LTBP1: variants seen among roughly 807,000 people sequenced by gnomAD.
The protein encoded by LTBP1 is latent-transforming growth factor beta-binding protein 1.
In LTBP1, 129 loss-of-function variants were observed where a neutral mutation model predicts 207.6. The ratio of observed to expected loss-of-function variants is 0.62; its 90% confidence interval spans 0.54 to 0.72. The LOEUF is 0.72. LTBP1 is among the 30% of genes least tolerant of loss of function. The pLI, the probability that LTBP1 is intolerant of heterozygous loss-of-function variation, is 0.00. For missense variants in LTBP1, 2,281 were observed against 2,217.2 expected (o/e 1.03, Z -0.58); for synonymous variants, 963 against 833.7 (o/e 1.16, Z -2.67).
At chr2:33,152,233 C>G (rs1036835650) in intron 5 of LTBP1, among the ~76,000 whole-genome samples, 1 of 152,014 alleles carries the variant, frequency 6.6e-6, no homozygotes. Context: ...AAAAAACAAA[C>G]AATCCCATCA....
At chr2:32,984,371 A>C (rs1683218248) in intron 2 of LTBP1, among the ~76,000 whole-genome samples, 1 of 152,236 alleles carries the variant, frequency 6.6e-6, no homozygotes, top group South Asian at 2.1e-4. Context: ...CTAGTAAAAC[A>C]CATGGCTTTA....
chr2:33,085,957 G>A (rs1244276714), intron 3 of LTBP1, among the ~76,000 whole-genome samples: 1 of 152,208 alleles, frequency 6.6e-6, no homozygotes. Context: ...TGGGAGTCTG[G>A]TGAAATAGCA....
intron 7 of LTBP1, among the ~76,000 whole-genome samples, chr2:33,210,090 G>A (rs769791430): frequency 1.2e-4 from 18 of 152,190 alleles, no homozygotes; most frequent in Admixed American, 1.3e-4. Flanking sequence ...GAGTTCAAGG[G>A]GAATGTGGTT....
At chr2:32,976,585 G>A (rs929037611) in intron 2 of LTBP1, among the ~76,000 whole-genome samples, 2 of 152,170 alleles carry the variant, frequency 1.3e-5, no homozygotes, top group African/African-American at 4.8e-5. Context: ...GCTCTATGTT[G>A]GGGGTTAGAG....
chr2:33,124,351 A>G (rs1427189602), intron 4 of LTBP1, among the ~76,000 whole-genome samples: 1 of 152,198 alleles, frequency 6.6e-6, no homozygotes, highest in Non-Finnish European at 1.5e-5. Context: ...CGGAGGTTGC[A>G]GTGAGCCAAG....
At chr2:33,135,225 A>G (rs2082045659) in intron 5 of LTBP1, among the ~76,000 whole-genome samples, 1 of 152,254 alleles carries the variant, frequency 6.6e-6, no homozygotes, top group South Asian at 2.1e-4. Flanking sequence ...GAATATATAT[A>G]GTAGAAGAGA....
chr2:32,993,035 G>A (rs111414270), intron 2 of LTBP1, among the ~76,000 whole-genome samples: 5 of 152,100 alleles, frequency 3.3e-5, no homozygotes, highest in South Asian at 2.1e-4. Context: ...TATCGGGTGC[G>A]TTGAGGTGCT....
intron 5 of LTBP1, among the ~76,000 whole-genome samples, chr2:33,141,088 G>A (rs923548338): frequency 6.6e-5 from 10 of 152,340 alleles, no homozygotes; most frequent in African/African-American, 2.4e-4. Flanking sequence ...TCAGGCAATA[G>A]CAGTGCACTA....
At chr2:33,265,644 A>G (rs889345480) in intron 15 of LTBP1, among the ~76,000 whole-genome samples, 5 of 152,224 alleles carry the variant, frequency 3.3e-5, no homozygotes, top group African/African-American at 7.2e-5. Flanking sequence ...TTAAAGACAT[A>G]TATACACTGA....
intron 24 of LTBP1, among the ~76,000 whole-genome samples, chr2:33,318,501 G>A (rs1215892815): frequency 6.6e-6 from 1 of 152,216 alleles, no homozygotes; most frequent in Non-Finnish European, 1.5e-5. Flanking sequence ...TACATTAAGT[G>A]TTTATAACAC....
intron 24 of LTBP1, among the ~76,000 whole-genome samples, chr2:33,331,330 A>G (rs1207664674): frequency 2.0e-5 from 3 of 151,688 alleles, no homozygotes; most frequent in South Asian, 2.1e-4. Flanking sequence ...TAGATTATCA[A>G]TCTTCTAATA....
chr2:33,025,312 A>G (rs1442176474), intron 3 of LTBP1, among the ~76,000 whole-genome samples: 1 of 152,362 alleles, frequency 6.6e-6, no homozygotes, highest in African/African-American at 2.4e-5. Context: ...TATTTAGGAT[A>G]TGATTTAATT....
In LTBP1 at chr2:33,341,729, A is replaced by AAATATATAT. The variant is rs745445793; in HGVS notation, c.3731-1108_3731-1107insATATATATA. Among the ~76,000 whole-genome samples the AAATATATAT allele has an allele frequency of 2.3e-3, 211 of 93,614 alleles. 3 individuals carry two copies. Among genetic ancestry groups the AAATATATAT allele is most frequent in the African/African-American group, 8.4e-3 (165 of 19,632 alleles). 61.4% of individuals were successfully genotyped at this position (93,614 alleles called of 152,430 possible). On this transcript the variant is annotated intron_variant, in intron 24 of 33. Coordinates refer to ENST00000404816, the MANE Select transcript of LTBP1 (RefSeq NM_206943.4). ...CCGTCTCACTCAAAAAAAAAAAAAAAATATATATATATATATGTATATTTA... is the reference window on the plus strand; with the variant it reads ...CCGTCTCACTCAAAAAAAAAAAAAAAAATATATATATATATATATATATATGTATATTTA...
At chr2:33,378,183 A>ATGTGTGTGTGTGTGTG (rs1196073958) in intron 31 of LTBP1, among the ~76,000 whole-genome samples, 183 of 136,414 alleles carry the variant, frequency 1.3e-3, no homozygotes, top group Non-Finnish European at 1.9e-3. Context: ...ATATATATAT[A>ATGTGTGTGTGTGTGTG]TATGTGTGTG....
At chr2:33,112,464 A>G (rs2080469758) in intron 4 of LTBP1, among the ~76,000 whole-genome samples, 2 of 152,206 alleles carry the variant, frequency 1.3e-5, no homozygotes, top group African/African-American at 4.8e-5. Flanking sequence ...GGAGCTAGTA[A>G]AAGAATGTAG....
At chr2:33,048,051 G>C (rs1455717955) in intron 3 of LTBP1, among the ~76,000 whole-genome samples, 1 of 152,104 alleles carries the variant, frequency 6.6e-6, no homozygotes, top group East Asian at 1.9e-4. Flanking sequence ...TAAACCACAA[G>C]GGATGAACCT....
At chr2:33,301,883 A>G (rs142518326) in intron 22 of LTBP1, among the ~76,000 whole-genome samples, 47 of 152,348 alleles carry the variant, frequency 3.1e-4, no homozygotes, top group African/African-American at 1.1e-3. Flanking sequence ...GCATAAAAGA[A>G]TCAGTTTAAC....
chr2:32,990,754 T>C (rs1341148491), intron 2 of LTBP1, among the ~76,000 whole-genome samples: 1 of 152,214 alleles, frequency 6.6e-6, no homozygotes, highest in African/African-American at 2.4e-5. Context: ...TAGTAATTTT[T>C]ATGACTCAGT....
At chr2:33,142,900 C>T (rs1001090056) in intron 5 of LTBP1, among the ~76,000 whole-genome samples, 1 of 152,214 alleles carries the variant, frequency 6.6e-6, no homozygotes, top group African/African-American at 2.4e-5. Context: ...CACAATGTCA[C>T]AAAGTGTGTA....
Sources: allele counts gnomAD v4.1 joint callset (sites outside exome capture counted in the v4.1 genomes callset), GRCh38; gene constraint gnomAD v4.1.1; transcripts MANE v1.5; gene names NCBI Gene and HGNC (gene_info 2026-07-23, HGNC 2026-07-21).